PELI2: variants seen among roughly 807,000 people sequenced by gnomAD.
PELI2 encodes pellino E3 ubiquitin protein ligase family member 2, also known as E3 ubiquitin-protein ligase pellino homolog 2.
PELI2 carries 23 observed loss-of-function variants against 42.3 expected under a neutral mutation model. That is an observed-to-expected ratio of 0.54 (90% confidence interval 0.39 to 0.77). The LOEUF (loss-of-function observed/expected upper bound fraction) is 0.77, where lower values mean the gene tolerates loss of function less well. PELI2 is among the 30% of genes least tolerant of loss of function. The pLI is 0.00. For missense variants in PELI2, 463 were observed against 553.2 expected (o/e 0.84, Z 1.64); for synonymous variants, 245 against 212.2 (o/e 1.15, Z -1.34).
intron 2 of PELI2, among the ~76,000 whole-genome samples, chr14:56,252,775 G>A (rs544343846): frequency 2.0e-5 from 3 of 152,312 alleles, no homozygotes; most frequent in South Asian, 2.1e-4. Flanking sequence ...TTCTACCAGA[G>A]GTATAAAGAG....
chr14:56,119,353 G>GGGCC (rs1203932589), intron 1 of PELI2: 1 of 151,898 alleles, frequency 6.6e-6, no homozygotes, highest in African/African-American at 2.4e-5. Context: ...TGTGTGACCC[G>GGGCC]GGCCGGCCGG....
At chr14:56,267,021 A>T (rs1442002202) in intron 2 of PELI2, among the ~76,000 whole-genome samples, 1 of 152,084 alleles carries the variant, frequency 6.6e-6, no homozygotes, top group Non-Finnish European at 1.5e-5. Context: ...ATAGGCATAG[A>T]CTTTTCTCTG....
intron 2 of PELI2, among the ~76,000 whole-genome samples, chr14:56,259,041 G>T (rs1370043591): frequency 6.6e-6 from 1 of 152,040 alleles, no homozygotes; most frequent in East Asian, 1.9e-4. Context: ...AGAAGACCAT[G>T]GACCAACATC....
At chr14:56,172,854 G>A (rs1885229530) in intron 1 of PELI2, among the ~76,000 whole-genome samples, 1 of 152,114 alleles carries the variant, frequency 6.6e-6, no homozygotes, top group Non-Finnish European at 1.5e-5. Context: ...TCTCTTAACT[G>A]ACCTCTTAAC....
Position 56,118,656 on chromosome 14 carries a change from G to C in PELI2, c.-5G>C. The C allele has an allele frequency of 7.0e-7, 1 of 1,437,262 alleles. No homozygotes were observed. Among genetic ancestry groups the C allele is most frequent in the Non-Finnish European group, 9.2e-7 (1 of 1,088,180 alleles). 89.0% of individuals were successfully genotyped at this position (1,437,262 alleles called of 1,614,324 possible). A position where few individuals can be genotyped will look rare whatever the true frequency, so the allele number is the denominator to read the frequency against. On this transcript the variant is annotated 5_prime_UTR_variant, in exon 1 of 6. Coordinates refer to ENST00000267460, the MANE Select transcript of PELI2 (RefSeq NM_021255.3). ...GCGGCGGCGTCGGCGGCCGAGCGGG[G>C]CTCCATGTTTTCCCCTGGCCAGGAG...
At chr14:56,196,377 T>G (rs1250270244) in intron 2 of PELI2, among the ~76,000 whole-genome samples, 1 of 152,232 alleles carries the variant, frequency 6.6e-6, no homozygotes, top group African/African-American at 2.4e-5. Flanking sequence ...CAGAAAACTT[T>G]TAGTCTCTGA....
intron 1 of PELI2, among the ~76,000 whole-genome samples, chr14:56,145,880 TATA>T (rs2139611711): frequency 6.6e-6 from 1 of 152,348 alleles, no homozygotes; most frequent in Admixed American, 6.5e-5. Flanking sequence ...TTACTTTTGT[TATA>T]ATATTACTGA....
At chr14:56,250,616 A>G (rs1193261687) in intron 2 of PELI2, among the ~76,000 whole-genome samples, 1 of 152,190 alleles carries the variant, frequency 6.6e-6, no homozygotes. Flanking sequence ...GGCAGGAAGC[A>G]TGCGGCATGG....
Position 56,288,393 on chromosome 14 carries a change from C to G in PELI2, c.310-44C>G, listed in dbSNP as rs1226167992. On this transcript the variant is annotated intron_variant, in intron 3 of 5. Transcript: ENST00000267460. This position sits in a 1 kb window ranked among gnomAD's most constrained non-coding sequence, Gnocchi z 4.6. ...TTCCTTGTGAATAAAATACGGCACC[C>G]TGCTATTTTCCAAGTGAATCACGAG... The G allele has an allele frequency of 1.4e-6, 2 of 1,456,698 alleles. No homozygotes were observed. Among genetic ancestry groups the G allele is most frequent in the South Asian group, 2.3e-5 (2 of 85,482 alleles). The allele number at this position is 1,456,698 out of a possible 1,614,324, so 90.2% of individuals were successfully genotyped here.
chr14:56,229,102 G>T (rs1205970997), intron 2 of PELI2, among the ~76,000 whole-genome samples: 1 of 152,218 alleles, frequency 6.6e-6, no homozygotes, highest in African/African-American at 2.4e-5. Flanking sequence ...CAGCCAGGAA[G>T]CTCGAACTGG....
At chr14:56,244,412 G>T (rs189527801) in intron 2 of PELI2, among the ~76,000 whole-genome samples, 7 of 152,268 alleles carry the variant, frequency 4.6e-5, no homozygotes, top group African/African-American at 1.7e-4. Context: ...TCAGTCCTTA[G>T]AATATGTGTA....
intron 1 of PELI2, among the ~76,000 whole-genome samples, chr14:56,136,334 A>G (rs1339581062): frequency 6.6e-6 from 1 of 152,216 alleles, no homozygotes; most frequent in African/African-American, 2.4e-5. Flanking sequence ...CAAAATAAAT[A>G]TGTTTACTTG....
intron 2 of PELI2, among the ~76,000 whole-genome samples, chr14:56,240,340 G>A (rs1207830965): frequency 6.6e-6 from 1 of 152,130 alleles, no homozygotes; most frequent in Non-Finnish European, 1.5e-5. Context: ...GAGATGCGTA[G>A]GAGGTAGAAA....
intron 2 of PELI2, among the ~76,000 whole-genome samples, chr14:56,220,937 T>G (rs957708203): frequency 6.6e-6 from 1 of 152,196 alleles, no homozygotes; most frequent in African/African-American, 2.4e-5. Flanking sequence ...AGCACGTGAT[T>G]CTGTCCTTTC....
intron 3 of PELI2, among the ~76,000 whole-genome samples, chr14:56,280,392 A>G (rs1889441826): frequency 1.3e-5 from 2 of 150,542 alleles, no homozygotes; most frequent in African/African-American, 5.0e-5. Flanking sequence ...GAAGGAAGGA[A>G]AAAAACATTC....
intron 2 of PELI2, 38 bp downstream of exon 2, chr14:56,178,502 AAC>A: frequency 6.2e-7 from 1 of 1,610,868 alleles, no homozygotes. Context: ...GGTGCTGGCA[AAC>A]AGTGACTCAC....
Position 56,185,782 on chromosome 14 carries a change from T to C in PELI2, c.207+7318T>C, listed in dbSNP as rs1449931497. ...CTTTTCAAGGACCAACAACTAATTT[T>C]GTGTGTATGTATTGATACTTAACAT... is the stretch of plus-strand genomic sequence containing the variant. On this transcript the variant is annotated intron_variant, in intron 2 of 5. Transcript: ENST00000267460. Among the ~76,000 whole-genome samples, 3 of 152,230 alleles carry C rather than the reference T, an allele frequency of 2.0e-5. No individual in the cohort carries two copies. The East Asian group carries it at 5.8e-4, about 29-fold the overall frequency.
intron 1 of PELI2, among the ~76,000 whole-genome samples, chr14:56,125,861 C>G (rs1174459997): frequency 6.6e-6 from 1 of 152,072 alleles, no homozygotes; most frequent in East Asian, 1.9e-4. Flanking sequence ...ATGTTAGGTA[C>G]TCACTGAGCC....
intron 1 of PELI2, among the ~76,000 whole-genome samples, chr14:56,165,442 CA>C (rs1198106378): frequency 2.0e-5 from 3 of 152,060 alleles, no homozygotes; most frequent in African/African-American, 7.2e-5. Flanking sequence ...CATTTGTTTT[CA>C]AATAGCCTGT....
Sources: allele counts gnomAD v4.1 joint callset (sites outside exome capture counted in the v4.1 genomes callset), GRCh38; gene constraint gnomAD v4.1.1; non-coding constraint Gnocchi (gnomAD v3.1); transcripts MANE v1.5; gene names NCBI Gene and HGNC (gene_info 2026-07-23, HGNC 2026-07-21).